Variants in DTHD1 observed in about 807,000 individuals in gnomAD.
The protein encoded by DTHD1 is death domain-containing protein 1.
A neutral mutation model predicts 74.8 loss-of-function variants in DTHD1; 59 were observed. The observed-to-expected ratio is 0.79, with a 90% CI of 0.64 to 0.98. The LOEUF is 0.98. DTHD1 is among the 50% of genes least tolerant of loss of function. The pLI, the probability that DTHD1 is intolerant of heterozygous loss-of-function variation, is 0.00. For synonymous variants in DTHD1, 365 were observed against 371.1 expected (o/e 0.98, Z 0.19); for missense variants, 1,051 against 1,065.4 (o/e 0.99, Z 0.19).
intron 7 of DTHD1, 106 bp downstream of exon 7, chr4:36,308,599 C>G: frequency 1.1e-6 from 1 of 904,762 alleles, no homozygotes; most frequent in Admixed American, 3.0e-5. Flanking sequence ...AGAGGATTGA[C>G]GAGAGACTTT....
At chr4:36,289,838 G>T (rs1755950057) in intron 2 of DTHD1, among the ~76,000 whole-genome samples, 1 of 151,774 alleles carries the variant, frequency 6.6e-6, no homozygotes, top group East Asian at 1.9e-4. Context: ...TATGATTAAT[G>T]ATAAATTTAC....
At chr4:36,304,211 A>G (rs1453594660) in intron 5 of DTHD1, among the ~76,000 whole-genome samples, 3 of 152,246 alleles carry the variant, frequency 2.0e-5, no homozygotes, top group Non-Finnish European at 2.9e-5. Flanking sequence ...GAATGCTATC[A>G]GAAAAAAATT....
intron 5 of DTHD1, among the ~76,000 whole-genome samples, chr4:36,296,992 T>TA (rs1756450767): frequency 6.6e-6 from 1 of 152,222 alleles, no homozygotes; most frequent in African/African-American, 2.4e-5. Context: ...GTATATGTAC[T>TA]ATATACTGCT....
chr4:36,291,554 C>T (rs1182196075), intron 3 of DTHD1, among the ~76,000 whole-genome samples: 1 of 152,128 alleles, frequency 6.6e-6, no homozygotes, highest in African/African-American at 2.4e-5. Context: ...GGAGGCCAGG[C>T]GTGGTGGCTT....
chr4:36,293,740 T>A (rs778821651), intron 4 of DTHD1, 35 bp downstream of exon 4: 27 of 1,445,386 alleles, frequency 1.9e-5, no homozygotes, highest in Non-Finnish European at 2.3e-5. Context: ...TTCCTGCTCA[T>A]AGATTTTGTG....
chr4:36,291,613 G>C (rs1161989602), intron 3 of DTHD1, among the ~76,000 whole-genome samples: 1 of 152,310 alleles, frequency 6.6e-6, no homozygotes, highest in East Asian at 1.9e-4. Context: ...CGAATCACCT[G>C]AGGTTGGGAG....
chr4:36,316,498 T>C lies in DTHD1; in HGVS notation c.2340+12T>C. 2 of 1,542,370 alleles carry C rather than the reference T, an allele frequency of 1.3e-6. No homozygotes were observed. Among genetic ancestry groups the C allele is most frequent in the East Asian group, 2.4e-5 (1 of 40,856 alleles). ...TGAAATTGCCAAAGGTGAGTTATTT[T>C]ACTTTTCTAATTACTACATTTTGTT... On this transcript the variant is annotated intron_variant, in intron 8 of 9. Coordinates refer to ENST00000639862, the MANE Select transcript of DTHD1 (RefSeq NM_001170700.3).
intron 8 of DTHD1, among the ~76,000 whole-genome samples, chr4:36,329,430 A>G (rs1758541663): frequency 6.6e-6 from 1 of 152,188 alleles, no homozygotes. Context: ...TCATTGTCAG[A>G]GCAGAGATGA....
intron 8 of DTHD1, among the ~76,000 whole-genome samples, chr4:36,318,850 G>A (rs1279852558): frequency 1.3e-5 from 2 of 152,130 alleles, no homozygotes; most frequent in African/African-American, 2.4e-5. Context: ...TCCTGACCTC[G>A]TGATCCGCCC....
chr4:36,309,390 TGCAGGTTGCAGTGAGCCGAGATC>T (rs1409443186), intron 7 of DTHD1, among the ~76,000 whole-genome samples: 43 of 152,182 alleles, frequency 2.8e-4, no homozygotes, highest in African/African-American at 9.2e-4. Context: ...AGGCGGAGGT[TGCAGGTTGCAGTGAGCCGAGATC>T]GCAGGTTGCA....
At position 36,334,834 on chromosome 4, in the gene DTHD1, C is replaced by G. The variant is rs577783285; in HGVS notation, c.2341-4278C>G. ...AACCTTGCTGTGCAGATTGTGTGAA[C>G]AGCTAAAACTGCTGACCTTAAATGT... On this transcript the variant is annotated intron_variant, in intron 8 of 9. Coordinates refer to ENST00000639862, the MANE Select transcript of DTHD1 (RefSeq NM_001170700.3). 3.3e-5 allele frequency among the ~76,000 whole-genome samples: 5 copies of G among 152,286 alleles called. No individual in the cohort carries two copies. The South Asian group carries it at 1.0e-3, about 32-fold the overall frequency.
At chr4:36,288,128 T>C (rs1180179358) in intron 2 of DTHD1, among the ~76,000 whole-genome samples, 1 of 152,204 alleles carries the variant, frequency 6.6e-6, no homozygotes, top group Non-Finnish European at 1.5e-5. Flanking sequence ...AGATGGAGTC[T>C]TGCTCTTTCG....
intron 7 of DTHD1, among the ~76,000 whole-genome samples, chr4:36,313,021 G>A (rs13109122): frequency 0.21 from 32,246 of 152,140 alleles, 4,187 homozygotes; most frequent in Non-Finnish European, 0.29. Context: ...GAAATACACT[G>A]AGCCAGTGGT....
At chr4:36,327,211 C>T (rs922244286) in intron 8 of DTHD1, among the ~76,000 whole-genome samples, 2 of 152,158 alleles carry the variant, frequency 1.3e-5, no homozygotes, top group Non-Finnish European at 2.9e-5. Context: ...AGGTGATCCA[C>T]CTGCCTTGGC....
intron 6 of DTHD1, 37 bp from the exon 7 acceptor site, chr4:36,308,167 A>G: frequency 6.5e-7 from 1 of 1,535,490 alleles, no homozygotes; most frequent in Non-Finnish European, 8.8e-7. Flanking sequence ...TTGACACTGC[A>G]TTTTTCCCTG....
In DTHD1 at chr4:36,346,582, C is replaced by A. The variant is rs1759599244; in HGVS notation, c.*2758C>A. 1.3e-5 allele frequency among the ~76,000 whole-genome samples: 2 copies of A among 152,012 alleles called. No individual in the cohort carries two copies. Among genetic ancestry groups the A allele is most frequent in the Admixed American group, 1.3e-4 (2 of 15,246 alleles). On this transcript the variant is annotated 3_prime_UTR_variant, in exon 10 of 10. Transcript: ENST00000639862. ...CTGTGCCACTTGGATTGAGACCTGC[C>A]CCTGAACACCCTCAGTATTGATAGA...
rs1757051142 is a variant in DTHD1, at chr4:36,306,357, T to C, written c.1805+5T>C. On this transcript the variant is annotated splice_donor_5th_base_variant and intron_variant, in intron 6 of 9. Transcript: ENST00000639862. ...ATTGTATGAACATTTGGAGAGGTAA[T>C]ACCATCAAAAACAATCAAAGTTGAT... 1 of 1,532,340 alleles carries C rather than the reference T, an allele frequency of 6.5e-7. No individual in the cohort carries two copies. The highest frequency in any genetic ancestry group is 8.8e-7 in the Non-Finnish European group (1 of 1,135,810). The allele number at this position is 1,532,340 out of a possible 1,614,324, so 94.9% of individuals were successfully genotyped here.
chr4:36,323,583 A>ATTTTTTTTTTTTTTTTTTTTTTTTGAG (rs1553970960), intron 8 of DTHD1, among the ~76,000 whole-genome samples: 1 of 148,678 alleles, frequency 6.7e-6, no homozygotes, highest in Non-Finnish European at 1.5e-5. Context: ...TAGGTATTTT[A>ATTTTTTTTTTTTTTTTTTTTTTTTGAG]AAAAGCAGAT....
intron 8 of DTHD1, among the ~76,000 whole-genome samples, chr4:36,327,940 C>T (rs1373872378): frequency 6.6e-6 from 1 of 152,082 alleles, no homozygotes. Context: ...CTTCTTTTGT[C>T]CAATCAAGGA....
Sources: gnomAD v4.1 joint callset for allele counts (sites outside exome capture counted in the v4.1 genomes callset) on GRCh38, gnomAD v4.1.1 for gene constraint, MANE v1.5 for transcripts, NCBI Gene and HGNC (gene_info 2026-07-23, HGNC 2026-07-21) for gene names.